The following SUGCT variants were observed in gnomAD, a reference collection of about 807,000 sequenced individuals.
SUGCT encodes the protein succinyl-CoA:glutarate CoA-transferase.
A neutral mutation model predicts 55.0 loss-of-function variants in SUGCT; 41 were observed. The ratio of observed to expected loss-of-function variants is 0.74; its 90% CI spans 0.58 to 0.97. SUGCT has a LOEUF of 0.97. Among genes scored for constraint, SUGCT ranks in the 50% least tolerant of loss-of-function variants. The pLI is 0.00. For synonymous variants in SUGCT, 187 were observed against 200.4 expected, an observed-to-expected ratio of 0.93 and a Z score of 0.56; for missense variants, 568 against 547.8, an observed-to-expected ratio of 1.04 and a Z score of -0.37.
chr7:40,272,658 A>ATT (rs200726368), intron 7 of SUGCT, among the ~76,000 whole-genome samples: 4 of 144,868 alleles, frequency 2.8e-5, no homozygotes, highest in Admixed American at 7.0e-5. Flanking sequence ...TATTATTATT[A>ATT]TTATTATTTT....
In SUGCT at chr7:40,632,442, C is replaced by T. The variant is rs1799829817; in HGVS notation, c.1090-116992C>T. On this transcript the variant is annotated intron_variant, in intron 12 of 13. Coordinates refer to ENST00000335693, the MANE Select transcript of SUGCT (RefSeq NM_001193313.2). ...GTATTCAGGCATCTGTTCCTCTGTA[C>T]TTTATTTATTCATTTTTATTTTTTA... Among the ~76,000 whole-genome samples the T allele has an allele frequency of 2.0e-5, 3 of 150,740 alleles. No homozygotes were observed. The South Asian group carries it at 6.4e-4, about 32-fold the overall frequency.
chr7:40,341,495 G>A (rs1294587686), intron 9 of SUGCT, among the ~76,000 whole-genome samples: 1 of 152,144 alleles, frequency 6.6e-6, no homozygotes. Flanking sequence ...GATTTCTGCT[G>A]GGCCTCTTTA....
intron 12 of SUGCT, among the ~76,000 whole-genome samples, chr7:40,563,520 AC>A (rs142099981): frequency 0.042 from 6,310 of 151,750 alleles, 436 homozygotes; most frequent in African/African-American, 0.14. Context: ...AGCCTGGACA[AC>A]ATAGTGAGAC....
At chr7:40,830,413 A>G (rs1052307051) in intron 13 of SUGCT, among the ~76,000 whole-genome samples, 1 of 151,974 alleles carries the variant, frequency 6.6e-6, no homozygotes, top group Non-Finnish European at 1.5e-5. Flanking sequence ...AGTCATGAAG[A>G]CCCCTGAGGA....
chr7:40,330,732 G>A (rs567955529), intron 9 of SUGCT, among the ~76,000 whole-genome samples: 1 of 152,206 alleles, frequency 6.6e-6, no homozygotes, highest in Admixed American at 6.5e-5. Context: ...CAAATACTTG[G>A]TTTGGGTAAT....
At chr7:40,415,060 AAATCTATCTATCTATCTATCTATCT>A (rs1446854167) in intron 9 of SUGCT, among the ~76,000 whole-genome samples, 1 of 83,084 alleles carries the variant, frequency 1.2e-5, no homozygotes, top group East Asian at 3.4e-4. Context: ...AAAAAAAAAA[AAATCTATCTATCTATCTATCTATCT>A]ATCTATCTAT....
chr7:40,484,177 A>G (rs563209218), intron 11 of SUGCT, among the ~76,000 whole-genome samples: 1 of 152,288 alleles, frequency 6.6e-6, no homozygotes, highest in African/African-American at 2.4e-5. Context: ...TGATTTATTG[A>G]TTATCTTCTA....
intron 12 of SUGCT, among the ~76,000 whole-genome samples, chr7:40,629,363 G>C (rs1799678421): frequency 6.6e-6 from 1 of 152,198 alleles, no homozygotes. Flanking sequence ...TGCTCTCCCT[G>C]AGAGTTGTCA....
intron 12 of SUGCT, among the ~76,000 whole-genome samples, chr7:40,710,757 C>T (rs552302391): frequency 6.6e-6 from 1 of 152,160 alleles, no homozygotes. Context: ...AAGATCAACC[C>T]CAGGGCTCAT....
At chr7:40,367,716 C>A (rs1345786182) in intron 9 of SUGCT, among the ~76,000 whole-genome samples, 2 of 152,152 alleles carry the variant, frequency 1.3e-5, no homozygotes, top group African/African-American at 4.8e-5. Flanking sequence ...CTTATTTCCT[C>A]TTCTTTCCAC....
chr7:40,639,287 C>G (rs575471450), intron 12 of SUGCT, among the ~76,000 whole-genome samples: 2 of 151,972 alleles, frequency 1.3e-5, no homozygotes, highest in African/African-American at 4.8e-5. Context: ...CCCAGTATAG[C>G]GCCCAGCAAA....
intron 1 of SUGCT, among the ~76,000 whole-genome samples, chr7:40,147,697 C>T (rs1788331622): frequency 6.6e-6 from 1 of 152,176 alleles, no homozygotes; most frequent in Non-Finnish European, 1.5e-5. Flanking sequence ...CGGGTTATTC[C>T]TCCCACTGGG....
chr7:40,532,526 C>CTG (rs3048827), intron 12 of SUGCT, among the ~76,000 whole-genome samples: 33,326 of 133,962 alleles, frequency 0.25, 3,689 homozygotes, highest in Admixed American at 0.31. Context: ...GCAAGTATGT[C>CTG]TGTGTGTGTG....
At chr7:40,947,694 C>G in the SUGCT span, among the ~76,000 whole-genome samples, 1 of 152,128 alleles carries the variant, frequency 6.6e-6, no homozygotes, top group African/African-American at 2.4e-5. Flanking sequence ...TAAATGAAGT[C>G]TATATTCTTT....
chr7:40,187,309 T>G (rs1004599824), intron 3 of SUGCT, among the ~76,000 whole-genome samples: 25 of 152,048 alleles, frequency 1.6e-4, no homozygotes, highest in Non-Finnish European at 2.6e-4. Flanking sequence ...TGGGGAGGGA[T>G]AGCATTAGGA....
intron 12 of SUGCT, among the ~76,000 whole-genome samples, chr7:40,588,525 C>A (rs1229739476): frequency 6.6e-6 from 1 of 152,192 alleles, no homozygotes; most frequent in East Asian, 1.9e-4. Flanking sequence ...TTCTAACTTT[C>A]CCATGGTCAC....
chr7:40,249,313 C>A (rs865984077), intron 7 of SUGCT, among the ~76,000 whole-genome samples: 9 of 79,512 alleles, frequency 1.1e-4, no homozygotes, highest in South Asian at 4.6e-4. Context: ...CACCAAAAAG[C>A]TATATATATA....
chr7:40,629,445 CAGACAAG>C (rs1302843279), intron 12 of SUGCT, among the ~76,000 whole-genome samples: 3 of 152,122 alleles, frequency 2.0e-5, no homozygotes, highest in Non-Finnish European at 4.4e-5. Context: ...GTTTGCCTCA[CAGACAAG>C]AGGCAGAGGG....
chr7:40,168,476 T>G (rs929188728), intron 1 of SUGCT, among the ~76,000 whole-genome samples: 6 of 152,218 alleles, frequency 3.9e-5, no homozygotes, highest in African/African-American at 1.4e-4. Context: ...TCACAGCTTC[T>G]ATTCTGGAAG....
Sources: allele counts gnomAD v4.1 joint callset (sites outside exome capture counted in the v4.1 genomes callset), GRCh38; gene constraint gnomAD v4.1.1; transcripts MANE v1.5; gene names NCBI Gene and HGNC (gene_info 2026-07-23, HGNC 2026-07-21).